PSMA8: variants seen among roughly 807,000 people sequenced by gnomAD.
PSMA8 encodes proteasome subunit alpha-type 8.
Under a neutral mutation model 32.4 loss-of-function variants are expected in PSMA8, and 18 were observed. The ratio of observed to expected loss-of-function variants is 0.56; its 90% CI spans 0.38 to 0.82. The LOEUF (loss-of-function observed/expected upper bound fraction) is 0.82, where lower values mean the gene tolerates loss of function less well. Ranked by LOEUF, PSMA8 falls within the 40% of genes least tolerant of loss-of-function variation. The pLI, the probability that PSMA8 is intolerant of heterozygous loss-of-function variation, is 0.00. For missense variants in PSMA8, 298 were observed against 300.7 expected (o/e 0.99, Z 0.07); for synonymous variants, 104 against 98.1 (o/e 1.06, Z -0.36).
chr18:26,144,535 A>G (rs968272275), intron 1 of PSMA8, 24 bp from the exon 2 acceptor site: 10 of 1,595,834 alleles, frequency 6.3e-6, no homozygotes, highest in Non-Finnish European at 6.9e-6. Flanking sequence ...ATCTGAATAT[A>G]TATGTATTTT....
Position 26,163,228 on chromosome 18 carries a change from TA to T in PSMA8, c.477+4985del, listed in dbSNP as rs1489266622. On this transcript the variant is annotated intron_variant, in intron 4 of 6. Coordinates refer to ENST00000415576, the MANE Select transcript of PSMA8 (RefSeq NM_001025096.2). ...ATGTGTGTGTGTATATATATATATA[TA>T]TATATATATATATATATATATATAT... 1.3e-4 allele frequency among the ~76,000 whole-genome samples: 6 copies of T among 47,448 alleles called. 1 individual carries two copies. The highest frequency in any genetic ancestry group is 3.7e-4 in the African/African-American group (6 of 16,306). The allele number at this position is 47,448 out of a possible 152,430, so 31.1% of individuals were successfully genotyped here. A position where few individuals can be genotyped will look rare whatever the true frequency, so the allele number is the denominator to read the frequency against.
At chr18:26,177,089 C>T (rs1230109812) in intron 4 of PSMA8, among the ~76,000 whole-genome samples, 2 of 152,140 alleles carry the variant, frequency 1.3e-5, no homozygotes, top group Non-Finnish European at 2.9e-5. Context: ...AAGTTAAAAG[C>T]TTGGCTTGTT....
chr18:26,144,005 T>A (rs1433748718), intron 1 of PSMA8, among the ~76,000 whole-genome samples: 1 of 152,182 alleles, frequency 6.6e-6, no homozygotes, highest in Non-Finnish European at 1.5e-5. Flanking sequence ...TATAGTGCTG[T>A]GAGCCACCGT....
At chr18:26,171,929 A>G (rs557722407) in intron 4 of PSMA8, among the ~76,000 whole-genome samples, 11 of 152,342 alleles carry the variant, frequency 7.2e-5, no homozygotes, top group Admixed American at 2.0e-4. Flanking sequence ...ATATTTGCAT[A>G]GATTCCCTTT....
chr18:26,183,272 A>T (rs2055327205), intron 6 of PSMA8, among the ~76,000 whole-genome samples: 1 of 149,932 alleles, frequency 6.7e-6, no homozygotes, highest in Non-Finnish European at 1.5e-5. Flanking sequence ...GGCACCTGTA[A>T]TCCCAGCTAC....
intron 2 of PSMA8, among the ~76,000 whole-genome samples, chr18:26,147,412 A>G (rs139745985): frequency 3.7e-4 from 57 of 152,142 alleles, no homozygotes; most frequent in Non-Finnish European, 1.6e-4. Flanking sequence ...GAGAAAGGCA[A>G]ATAAAAGCAC....
intron 3 of PSMA8, among the ~76,000 whole-genome samples, chr18:26,155,249 C>T (rs7504595): frequency 0.26 from 38,741 of 151,568 alleles, 8,739 homozygotes; most frequent in African/African-American, 0.6. Context: ...AAAGAAAAGG[C>T]TCATTAAGGA....
intron 2 of PSMA8, among the ~76,000 whole-genome samples, chr18:26,147,410 C>T (rs2055012958): frequency 6.6e-6 from 1 of 151,516 alleles, no homozygotes; most frequent in South Asian, 2.1e-4. Context: ...GAGAGAAAGG[C>T]AAATAAAAGC....
chr18:26,150,857 A>G (rs2055040369), intron 2 of PSMA8, among the ~76,000 whole-genome samples: 1 of 152,196 alleles, frequency 6.6e-6, no homozygotes, highest in Non-Finnish European at 1.5e-5. Context: ...AGATTGAGTG[A>G]CGTTTTCATC....
chr18:26,154,210 C>T (rs1407988302), intron 3 of PSMA8, among the ~76,000 whole-genome samples: 2 of 152,048 alleles, frequency 1.3e-5, no homozygotes, highest in Non-Finnish European at 2.9e-5. Context: ...TCAAATTTTA[C>T]CATTTGTTTT....
At position 26,193,234 on chromosome 18, in the gene PSMA8, A is replaced by G. The variant is rs1054450973; in HGVS notation, c.*823A>G. The G allele has an allele frequency of 1.3e-5, 2 of 152,242 alleles. No homozygotes were observed. Among genetic ancestry groups the G allele is most frequent in the Non-Finnish European group, 2.9e-5 (2 of 68,030 alleles). The allele number at this position is 152,242 out of a possible 1,614,324, so 9.4% of individuals were successfully genotyped here. A position where few individuals can be genotyped will look rare whatever the true frequency, so the allele number is the denominator to read the frequency against. On this transcript the variant is annotated 3_prime_UTR_variant, in exon 7 of 7. Coordinates refer to ENST00000415576, the MANE Select transcript of PSMA8 (RefSeq NM_001025096.2). ...TTATGGAAGGCTTATTGGGGGAACAAGAAAAATATAAAAAGTGATCTCTGC... is the reference window on the plus strand; with the variant it reads ...TTATGGAAGGCTTATTGGGGGAACAGGAAAAATATAAAAAGTGATCTCTGC...
intron 6 of PSMA8, among the ~76,000 whole-genome samples, chr18:26,191,706 C>T (rs963374145): frequency 1.3e-5 from 2 of 151,982 alleles, no homozygotes; most frequent in Admixed American, 6.6e-5. Context: ...CCACCCACCT[C>T]GGCCTCCCAA....
At position 26,158,200 on chromosome 18, in the gene PSMA8, A is replaced by C. The variant is rs1284191796; in HGVS notation, c.433A>C (p.Arg145=). Residue 145 remains arginine, a synonymous_variant, in exon 4 of 7, where the codon AGA becomes CGA. Coordinates refer to ENST00000415576, the MANE Select transcript of PSMA8 (RefSeq NM_001025096.2). ...AGGTTTTGATGATGATGGTATCTCA[A>C]GATTGTATCAGACAGATCCTTCTGG... is the stretch of plus-strand genomic sequence containing the variant. ...IVGFDDDGIS[R]LYQTDPSGTY... 1 of 1,609,716 alleles carries C rather than the reference A, an allele frequency of 6.2e-7. No homozygotes were observed. Among genetic ancestry groups the C allele is most frequent in the South Asian group, 1.1e-5 (1 of 90,724 alleles).
At chr18:26,143,902 A>G (rs1016205361) in intron 1 of PSMA8, among the ~76,000 whole-genome samples, 10 of 151,948 alleles carry the variant, frequency 6.6e-5, no homozygotes, top group Non-Finnish European at 4.4e-5. Flanking sequence ...TTGTGTTTTT[A>G]GTAGAGACGG....
chr18:26,178,730 A>G, intron 4 of PSMA8, 100 bp from the exon 5 acceptor site: 1 of 989,306 alleles, frequency 1.0e-6, no homozygotes, highest in South Asian at 1.8e-5. Context: ...AATTTTATTA[A>G]GGTATACTGG....
At position 26,144,675 on chromosome 18, in the gene PSMA8, G is replaced by C; in HGVS notation, c.219G>C (p.Met73Ile). ...GTGCCCTTGATGACCATGTCTGCAT[G>C]GCTTTTGCAGGTACTTAAGGTCCTA... Reference protein sequence around the residue: ...KICALDDHVCMAFAGLTADAR... With the variant: ...KICALDDHVCIAFAGLTADAR... The change falls in exon 2 of 7, where the codon ATG becomes ATC. Residue 73 changes from methionine (M) to isoleucine (I), a missense_variant. Coordinates refer to ENST00000415576, the MANE Select transcript of PSMA8 (RefSeq NM_001025096.2). 6.2e-7 allele frequency: 1 copy of C among 1,613,762 alleles called. No individual in the cohort carries two copies. The highest frequency in any genetic ancestry group is 1.1e-5 in the South Asian group (1 of 91,050).
In PSMA8 at chr18:26,158,200, A is replaced by G; in HGVS notation, c.433A>G (p.Arg145Gly). ...IVGFDDDGISRLYQTDPSGTY... is the reference protein window; with the variant it reads ...IVGFDDDGISGLYQTDPSGTY... Reference sequence around the variant, plus strand: ...AGGTTTTGATGATGATGGTATCTCAAGATTGTATCAGACAGATCCTTCTGG... The same window carrying G: ...AGGTTTTGATGATGATGGTATCTCAGGATTGTATCAGACAGATCCTTCTGG... Residue 145 changes from arginine (R) to glycine (G), a missense_variant, in exon 4 of 7, where the codon AGA (arginine) becomes GGA (glycine). Physicochemically the swap from Arg to Gly is moderately radical, Grantham distance 125 (BLOSUM62 -2). Transcript: ENST00000415576. 1 of 1,609,716 alleles carries G rather than the reference A, an allele frequency of 6.2e-7. No individual in the cohort carries two copies. The highest frequency in any genetic ancestry group is 8.5e-7 in the Non-Finnish European group (1 of 1,176,710).
intron 1 of PSMA8, among the ~76,000 whole-genome samples, chr18:26,141,971 C>T (rs1180114682): frequency 6.6e-6 from 1 of 151,812 alleles, no homozygotes; most frequent in Non-Finnish European, 1.5e-5. Flanking sequence ...CAGGCATGAG[C>T]CACCATGCTC....
intron 6 of PSMA8, among the ~76,000 whole-genome samples, chr18:26,188,845 T>C (rs927874886): frequency 6.6e-6 from 1 of 152,088 alleles, no homozygotes; most frequent in African/African-American, 2.4e-5. Flanking sequence ...CAAAAAAGAA[T>C]AGATTAAAGA....
Sources: gnomAD v4.1 joint callset for allele counts (sites outside exome capture counted in the v4.1 genomes callset) on GRCh38, gnomAD v4.1.1 for gene constraint, MANE v1.5 for transcripts, NCBI Gene and HGNC (gene_info 2026-07-23, HGNC 2026-07-21) for gene names.